The following MYO1H variants were observed in gnomAD, a reference collection of about 807,000 sequenced individuals.
MYO1H encodes the protein myosin IH, also known as unconventional myosin-Ih.
MYO1H carries 118 observed loss-of-function variants against 149.3 expected under a neutral mutation model. The ratio of observed to expected loss-of-function variants is 0.79; its 90% CI spans 0.68 to 0.92. The LOEUF (loss-of-function observed/expected upper bound fraction) is 0.92, where lower values mean the gene tolerates loss of function less well. MYO1H is among the 40% of genes least tolerant of loss of function. The pLI, the probability that MYO1H is intolerant of heterozygous loss-of-function variation, is 0.00. For missense variants in MYO1H, 1,212 were observed against 1,280.7 expected (o/e 0.95, Z 0.82); for synonymous variants, 447 against 465.2 (o/e 0.96, Z 0.50).
chr12:109,358,021 C>T lies in MYO1H; in HGVS notation c.12+10049C>T, dbSNP rs1868647507. Reference sequence around the variant, plus strand: ...TGATTTTTCATGCAGAGCAGCAAAACTGTTCTTGCTTTTTGAATTTCCTTG... The same window carrying T: ...TGATTTTTCATGCAGAGCAGCAAAATTGTTCTTGCTTTTTGAATTTCCTTG... On this transcript the variant is annotated intron_variant, in intron 1 of 31. Transcript: ENST00000310903. Among the ~76,000 whole-genome samples the T allele has an allele frequency of 2.0e-5, 3 of 151,864 alleles. No individual in the cohort carries two copies. In the South Asian group the frequency reaches 6.2e-4, roughly 32 times the overall value.
intron 1 of MYO1H, among the ~76,000 whole-genome samples, chr12:109,369,428 A>C (rs1050808046): frequency 6.6e-6 from 1 of 152,158 alleles, no homozygotes; most frequent in African/African-American, 2.4e-5. Context: ...TTCAGGAAGG[A>C]TGCACAAGGA....
chr12:109,447,124 G>A (rs186365117), intron 31 of MYO1H, 35 bp from the exon 32 acceptor site: 5 of 1,585,298 alleles, frequency 3.2e-6, no homozygotes, highest in Admixed American at 3.6e-5. Flanking sequence ...AGGGAGCGGG[G>A]AAGGGCTGTA....
chr12:109,380,378 GA>G (rs144320643), intron 1 of MYO1H, among the ~76,000 whole-genome samples: 190 of 149,844 alleles, frequency 1.3e-3, no homozygotes, highest in Non-Finnish European at 1.6e-3. Flanking sequence ...ACGGTAAAAT[GA>G]AAAAAAAATG....
rs567734379 is a variant in MYO1H, at chr12:109,403,711, T to C, written c.751-271T>C. Among the ~76,000 whole-genome samples the C allele has an allele frequency of 2.6e-5, 4 of 152,330 alleles. No individual in the cohort carries two copies. In the South Asian group the frequency reaches 6.2e-4, roughly 24 times the overall value. The stretch of plus-strand genomic sequence containing the variant: ...TTTAGCAAAAATGATAAGAAAACTA[T>C]GTTTAAAAACACATACAAAAAGATA... On this transcript the variant is annotated intron_variant, in intron 6 of 31. Coordinates refer to ENST00000310903, the Ensembl canonical transcript of MYO1H.
chr12:109,438,302 T>A (rs1467139866), intron 22 of MYO1H, among the ~76,000 whole-genome samples: 1 of 152,096 alleles, frequency 6.6e-6, no homozygotes, highest in Non-Finnish European at 1.5e-5. Flanking sequence ...ATTTCAGGGC[T>A]TCCCTAGAAA....
intron 1 of MYO1H, among the ~76,000 whole-genome samples, chr12:109,386,588 G>A (rs1480640358): frequency 6.6e-6 from 1 of 152,174 alleles, no homozygotes; most frequent in Non-Finnish European, 1.5e-5. Flanking sequence ...TTTCCCTGAT[G>A]ACTAACAATG....
chr12:109,444,584 A>C, intron 30 of MYO1H, 55 bp downstream of exon 30: 1 of 1,406,788 alleles, frequency 7.1e-7, no homozygotes. Flanking sequence ...ATGTTTATTA[A>C]GGCCGAGCGT....
At chr12:109,320,338 G>A in the MYO1H span, among the ~76,000 whole-genome samples, 5 of 151,382 alleles carry the variant, frequency 3.3e-5, no homozygotes, top group East Asian at 7.8e-4. Context: ...GGCCAGACGT[G>A]GTGGCTCACA....
intron 1 of MYO1H, among the ~76,000 whole-genome samples, chr12:109,350,882 A>G (rs958323892): frequency 2.6e-5 from 4 of 152,242 alleles, no homozygotes; most frequent in South Asian, 2.1e-4. Flanking sequence ...CAATCGTTAC[A>G]TCTTACATAA....
At chr12:109,333,809 T>G in the MYO1H span, among the ~76,000 whole-genome samples, 1 of 152,190 alleles carries the variant, frequency 6.6e-6, no homozygotes, top group African/African-American at 2.4e-5. Context: ...TAGAATGTTT[T>G]CAGGTTATGA....
At chr12:109,360,630 T>G (rs1192012928) in intron 1 of MYO1H, among the ~76,000 whole-genome samples, 1 of 152,200 alleles carries the variant, frequency 6.6e-6, no homozygotes. Flanking sequence ...AAATATTTCC[T>G]TGGTCCTTAT....
At chr12:109,385,766 A>G (rs1040332355) in intron 1 of MYO1H, among the ~76,000 whole-genome samples, 6 of 152,214 alleles carry the variant, frequency 3.9e-5, no homozygotes, top group African/African-American at 1.2e-4. Flanking sequence ...TAAACAGAAT[A>G]GTATCATAAA....
At position 109,435,084 on chromosome 12, in the gene MYO1H, A is replaced by C. The variant is rs1566041556; in HGVS notation, c.2111A>C (p.Asp704Ala). ...CCCAGAACTCTGTTTGCTACCGAAG[A>C]TGCCTTTGAATTTAGTAAACATCAA... Residue 704 changes from aspartate (D) to alanine (A), a missense_variant, in exon 21 of 32, where the codon GAT (aspartate) becomes GCT (alanine). Physicochemically the swap from Asp to Ala is moderately radical, Grantham distance 126. Transcript: ENST00000310903. 3 of 1,609,320 alleles carry C rather than the reference A, an allele frequency of 1.9e-6. No homozygotes were observed. The highest frequency in any genetic ancestry group is 8.5e-7 in the Non-Finnish European group (1 of 1,178,136).
chr12:109,415,974 G>A (rs918856169), intron 15 of MYO1H, among the ~76,000 whole-genome samples: 14 of 150,462 alleles, frequency 9.3e-5, no homozygotes, highest in East Asian at 1.9e-4. Flanking sequence ...AGAGAGTCTC[G>A]CTGTGTTGCC....
chr12:109,438,125 A>T (rs1402003779), intron 22 of MYO1H, among the ~76,000 whole-genome samples: 1 of 151,290 alleles, frequency 6.6e-6, no homozygotes, highest in Non-Finnish European at 1.5e-5. Context: ...ATAAGCCAGA[A>T]CCTAAGTTTT....
intron 1 of MYO1H, among the ~76,000 whole-genome samples, chr12:109,348,727 C>T (rs1475107717): frequency 6.6e-6 from 1 of 152,212 alleles, no homozygotes; most frequent in Non-Finnish European, 1.5e-5. Flanking sequence ...GACAGGTTTT[C>T]TGGGTTTCGA....
At chr12:109,447,522 G>A (rs1026826678) in exon 32 of MYO1H, 9 of 427,656 alleles carry the variant, frequency 2.1e-5, no homozygotes, top group Admixed American at 2.1e-4. Flanking sequence ...AAGCTGCCCT[G>A]AGACATGATG....
intron 1 of MYO1H, among the ~76,000 whole-genome samples, chr12:109,367,997 G>T (rs1868901988): frequency 6.6e-6 from 1 of 152,158 alleles, no homozygotes; most frequent in African/African-American, 2.4e-5. Flanking sequence ...GGGACTACAG[G>T]TGTTGCACCA....
At chr12:109,312,381 TTTTTG>T in the MYO1H span, among the ~76,000 whole-genome samples, 87 of 150,974 alleles carry the variant, frequency 5.8e-4, 1 homozygote, top group African/African-American at 1.4e-3. Context: ...CCCAGCTAAT[TTTTTG>T]TTTTGTTTTG....
Sources: gnomAD v4.1 joint callset for allele counts (sites outside exome capture counted in the v4.1 genomes callset) on GRCh38, gnomAD v4.1.1 for gene constraint, MANE v1.5 for transcripts, NCBI Gene and HGNC (gene_info 2026-07-23, HGNC 2026-07-21) for gene names.